MYO16: variants seen among roughly 807,000 people sequenced by gnomAD.
MYO16 encodes myosin XVI.
MYO16 carries 94 observed loss-of-function variants against 205.3 expected under a neutral mutation model. The observed-to-expected ratio is 0.46, with a 90% CI of 0.39 to 0.54. The LOEUF (loss-of-function observed/expected upper bound fraction) is 0.54. Ranked by LOEUF, MYO16 falls within the 20% of genes least tolerant of loss-of-function variation. The probability of loss-of-function intolerance (pLI) is 0.00; values close to 1 mark genes in which losing one functional copy is unlikely to be tolerated. For missense variants in MYO16, 2,315 were observed against 2,387.5 expected, an observed-to-expected ratio of 0.97 and a Z score of 0.63; for synonymous variants, 988 against 954.0, an observed-to-expected ratio of 1.04 and a Z score of -0.66.
intron 11 of MYO16, among the ~76,000 whole-genome samples, chr13:108,859,265 C>G (rs917085149): frequency 1.6e-5 from 2 of 125,874 alleles, no homozygotes; most frequent in Non-Finnish European, 3.8e-5. Flanking sequence ...TTGTTCACTG[C>G]TATGTATGAC....
At chr13:108,886,534 G>T (rs1879896897) in intron 13 of MYO16, 1 of 455,368 alleles carries the variant, frequency 2.2e-6, no homozygotes, top group Non-Finnish European at 4.4e-6. Flanking sequence ...AGGGTGCCTG[G>T]TGCCCCCTTC....
chr13:109,159,091 CTT>C (rs1300286737), intron 32 of MYO16, among the ~76,000 whole-genome samples: 2 of 152,196 alleles, frequency 1.3e-5, no homozygotes, highest in African/African-American at 4.8e-5. Flanking sequence ...GACCTTGTGT[CTT>C]TGAATTCTCA....
rs1876294124 is a variant in MYO16 at position 109,127,199 on chromosome 13, T to C, written c.3783-83T>C. 3.4e-6 allele frequency: 5 copies of C among 1,460,630 alleles called. No homozygotes were observed. The East Asian group carries it at 1.2e-4, about 34-fold the overall frequency. The allele number at this position is 1,460,630 out of a possible 1,614,324, so 90.5% of individuals were successfully genotyped here. A position where few individuals can be genotyped will look rare whatever the true frequency, so the allele number is the denominator to read the frequency against. On this transcript the variant is annotated intron_variant, in intron 30 of 34. Coordinates refer to ENST00000457511, the MANE Select transcript of MYO16 (RefSeq NM_001198950.3). This position sits in a 1 kb window ranked among gnomAD's most constrained non-coding sequence, Gnocchi z 4.2. ...CTTGCCAAAAAGCCGTCATTATGTC[T>C]GCTTGAGCAGGTTCCTTGTTACCGG...
intron 2 of MYO16, among the ~76,000 whole-genome samples, chr13:108,694,381 C>T (rs1416871318): frequency 2.0e-5 from 3 of 152,132 alleles, no homozygotes; most frequent in Admixed American, 2.0e-4. Context: ...GTGGCGAAAC[C>T]ATTTTACATT....
chr13:108,539,543 A>G, the MYO16 span, among the ~76,000 whole-genome samples: 3 of 152,178 alleles, frequency 2.0e-5, no homozygotes, highest in African/African-American at 4.8e-5. Flanking sequence ...ATAACTTACG[A>G]TCTGCTAAAT....
chr13:108,658,401 C>A (rs1037848966), intron 1 of MYO16, among the ~76,000 whole-genome samples: 13 of 144,090 alleles, frequency 9.0e-5, no homozygotes, highest in African/African-American at 2.9e-4. Context: ...ATTTTATTTT[C>A]TTCCTTCTTT....
At chr13:108,828,009 G>A (rs1876379395) in intron 9 of MYO16, among the ~76,000 whole-genome samples, 1 of 152,044 alleles carries the variant, frequency 6.6e-6, no homozygotes, top group Non-Finnish European at 1.5e-5. Flanking sequence ...CTTATTATTT[G>A]TAATAATAAC....
At chr13:108,614,493 T>C (rs911212455) in intron 1 of MYO16, among the ~76,000 whole-genome samples, 21 of 151,948 alleles carry the variant, frequency 1.4e-4, no homozygotes, top group African/African-American at 5.1e-4. Flanking sequence ...AACACATAAA[T>C]GCAAGATATC....
At chr13:108,915,179 C>A (rs1350840263) in intron 16 of MYO16, among the ~76,000 whole-genome samples, 1 of 152,158 alleles carries the variant, frequency 6.6e-6, no homozygotes, top group Non-Finnish European at 1.5e-5. Context: ...CCTCCTAAGG[C>A]TTAGCTGCAT....
chr13:109,077,383 T>C (rs1173189963), intron 27 of MYO16, among the ~76,000 whole-genome samples: 2 of 152,078 alleles, frequency 1.3e-5, no homozygotes, highest in African/African-American at 4.8e-5. Flanking sequence ...TACAGAGATT[T>C]CTCCTAGACC....
At chr13:109,051,186 C>T (rs568037224) in intron 24 of MYO16, among the ~76,000 whole-genome samples, 2 of 152,268 alleles carry the variant, frequency 1.3e-5, no homozygotes, top group South Asian at 4.1e-4. Flanking sequence ...TCACAGGGCC[C>T]CTTTTGCATT....
intron 28 of MYO16, 76 bp from the exon 29 acceptor site, chr13:109,120,294 T>C (rs1875929572): frequency 1.9e-6 from 2 of 1,030,140 alleles, no homozygotes; most frequent in Middle Eastern, 2.2e-4. Context: ...TGGAAAAATA[T>C]TTTGTCTGAT....
At chr13:108,858,225 A>C (rs1878288865) in intron 11 of MYO16, among the ~76,000 whole-genome samples, 1 of 152,190 alleles carries the variant, frequency 6.6e-6, no homozygotes, top group South Asian at 2.1e-4. Context: ...GTTAATAAGA[A>C]TCAGAGTTTG....
At chr13:108,747,718 C>A (rs1043012801) in intron 4 of MYO16, among the ~76,000 whole-genome samples, 1 of 152,072 alleles carries the variant, frequency 6.6e-6, no homozygotes, top group African/African-American at 2.4e-5. Context: ...CTAAACACAC[C>A]AATTAAAAGA....
chr13:109,150,581 G>A (rs1240794930), intron 32 of MYO16, among the ~76,000 whole-genome samples: 4 of 152,160 alleles, frequency 2.6e-5, no homozygotes, highest in South Asian at 2.1e-4. Context: ...CCAGAGATAC[G>A]TATCTAGCGT....
At chr13:108,708,029 C>CCTGTGTGTATTATTACA (rs1234716547) in intron 2 of MYO16, among the ~76,000 whole-genome samples, 1 of 152,084 alleles carries the variant, frequency 6.6e-6, no homozygotes, top group African/African-American at 2.4e-5. Flanking sequence ...GATATCCCAG[C>CCTGTGTGTATTATTACA]CTGTGTGTAT....
At chr13:109,112,309 G>A (rs1451372463) in intron 28 of MYO16, among the ~76,000 whole-genome samples, 1 of 152,126 alleles carries the variant, frequency 6.6e-6, no homozygotes, top group African/African-American at 2.4e-5. Flanking sequence ...GAGAGATGAT[G>A]AGTTAAATTC....
chr13:109,107,890 A>C lies in MYO16; in HGVS notation c.3438+7003A>C, dbSNP rs184220994. The stretch of plus-strand genomic sequence containing the variant: ...GTATTTCCTTTCTTCTTTTGTGCCA[A>C]ACACATGCATACACACACGCCATAT... On this transcript the variant is annotated intron_variant, in intron 28 of 34. Transcript: ENST00000457511. Among the ~76,000 whole-genome samples the C allele has an allele frequency of 5.9e-4, 88 of 149,062 alleles. No individual in the cohort carries two copies. The East Asian group carries it at 6.8e-3, about 12-fold the overall frequency.
chr13:109,084,005 T>G (rs576182700), intron 27 of MYO16, among the ~76,000 whole-genome samples: 2 of 152,276 alleles, frequency 1.3e-5, no homozygotes, highest in South Asian at 4.1e-4. Flanking sequence ...GTTGATCCAT[T>G]TTGTCATTTT....
Sources: gnomAD v4.1 joint callset for allele counts (sites outside exome capture counted in the v4.1 genomes callset) on GRCh38, gnomAD v4.1.1 for gene constraint, Gnocchi (gnomAD v3.1) non-coding constraint, MANE v1.5 for transcripts, NCBI Gene and HGNC (gene_info 2026-07-23, HGNC 2026-07-21) for gene names.